Variants in RASA1 observed in about 807,000 individuals in gnomAD.
RASA1 encodes RAS p21 protein activator 1.
A neutral mutation model predicts 132.2 loss-of-function variants in RASA1; 25 were observed. That is an observed-to-expected ratio of 0.19 (90% CI 0.14 to 0.26). The LOEUF (loss-of-function observed/expected upper bound fraction) is 0.26, where lower values mean the gene tolerates loss of function less well. Among genes scored for constraint, RASA1 ranks in the 10% least tolerant of loss-of-function variants. The pLI is 1.00. For synonymous variants in RASA1, 477 were observed against 449.9 expected (o/e 1.06, Z -0.76); for missense variants, 964 against 1,299.2 (o/e 0.74, Z 3.97).
At chr5:87,371,736 A>C (rs561836335) in intron 12 of RASA1, among the ~76,000 whole-genome samples, 1 of 152,210 alleles carries the variant, frequency 6.6e-6, no homozygotes, top group South Asian at 2.1e-4. Context: ...TATCAAGTTA[A>C]ATTCCACCTA....
At chr5:87,350,567 G>T (rs7712333) in intron 8 of RASA1, among the ~76,000 whole-genome samples, 1,791 of 151,598 alleles carry the variant, frequency 0.012, 28 homozygotes, top group African/African-American at 0.041. Flanking sequence ...ACACAAAACT[G>T]GAAATTCTTC....
intron 6 of RASA1, among the ~76,000 whole-genome samples, chr5:87,343,721 A>G (rs1249875197): frequency 2.0e-5 from 3 of 152,208 alleles, no homozygotes; most frequent in South Asian, 2.1e-4. Context: ...ACTGCTGGGT[A>G]TATATCCAAA....
At chr5:87,320,994 G>T (rs544252064) in intron 1 of RASA1, among the ~76,000 whole-genome samples, 1 of 152,170 alleles carries the variant, frequency 6.6e-6, no homozygotes, top group Non-Finnish European at 1.5e-5. Context: ...ATAGCAATTT[G>T]TACACTTCTG....
At chr5:87,339,559 T>C (rs1758288542) in intron 5 of RASA1, among the ~76,000 whole-genome samples, 1 of 152,096 alleles carries the variant, frequency 6.6e-6, no homozygotes, top group Non-Finnish European at 1.5e-5. Context: ...TCTTGAGCTC[T>C]TGGAATTCTG....
intron 18 of RASA1, 98 bp downstream of exon 18, chr5:87,378,636 T>G (rs1237418329): frequency 1.5e-6 from 2 of 1,300,016 alleles, no homozygotes; most frequent in East Asian, 5.1e-5. Flanking sequence ...TATATTAAAT[T>G]TCTAAAATTA....
Position 87,378,475 on chromosome 5 carries a change from G to C in RASA1, c.2424G>C (p.Gln808His). ...AGTATATGAAAGCCACTGCTACACA[G>C]TTTGTTCATCATGCTTTGAAAGACT... ...MEQYMKATAT[Q>H]FVHHALKDSI... Residue 808 changes from glutamine (Q) to histidine (H), a missense_variant, in exon 18 of 25, where the codon CAG (glutamine) becomes CAC (histidine). Coordinates refer to ENST00000274376, the MANE Select transcript of RASA1 (RefSeq NM_002890.3). The C allele has an allele frequency of 6.2e-7, 1 of 1,612,510 alleles. No homozygotes were observed. The highest frequency in any genetic ancestry group is 8.5e-7 in the Non-Finnish European group (1 of 1,178,632).
intron 18 of RASA1, 96 bp from the exon 19 acceptor site, chr5:87,379,639 T>C (rs1032639555): frequency 3.3e-6 from 5 of 1,501,754 alleles, no homozygotes; most frequent in African/African-American, 1.4e-5. Flanking sequence ...TACCGAAAAA[T>C]AGACAACCTC....
At chr5:87,369,660 T>C (rs1464293582) in intron 11 of RASA1, among the ~76,000 whole-genome samples, 153 bp from the exon 12 acceptor site, 1 of 151,802 alleles carries the variant, frequency 6.6e-6, no homozygotes, top group Admixed American at 6.6e-5. Flanking sequence ...TATAGCTGAC[T>C]TTTTTTTAGT....
chr5:87,280,502 A>G (rs2112244266), intron 1 of RASA1, among the ~76,000 whole-genome samples: 1 of 149,984 alleles, frequency 6.7e-6, no homozygotes, highest in East Asian at 2.0e-4. Context: ...TAGTAGAGAC[A>G]GGGTTTCACC....
chr5:87,389,041 CATT>C (rs747692560), intron 23 of RASA1, among the ~76,000 whole-genome samples: 5 of 152,184 alleles, frequency 3.3e-5, no homozygotes, highest in Admixed American at 6.5e-5. Context: ...ATTTTACCAT[CATT>C]AATACTGAAT....
chr5:87,378,600 T>C, intron 18 of RASA1, 62 bp downstream of exon 18: 1 of 1,467,896 alleles, frequency 6.8e-7, no homozygotes, highest in Non-Finnish European at 9.4e-7. Flanking sequence ...GGTAATAATT[T>C]GTAGCCAATT....
intron 6 of RASA1, among the ~76,000 whole-genome samples, chr5:87,344,882 T>G (rs553096377): frequency 1.3e-5 from 2 of 152,198 alleles, no homozygotes; most frequent in East Asian, 3.9e-4. Context: ...CATACTTAGC[T>G]CATTCATCAC....
chr5:87,341,425 A>G (rs971534690), intron 6 of RASA1, 104 bp downstream of exon 6: 7 of 657,298 alleles, frequency 1.1e-5, no homozygotes, highest in African/African-American at 9.5e-5. Context: ...TTTTGGACTG[A>G]CTTAACTTTT....
chr5:87,371,147 T>G (rs897252732), intron 12 of RASA1, among the ~76,000 whole-genome samples: 4 of 152,144 alleles, frequency 2.6e-5, no homozygotes, highest in African/African-American at 9.7e-5. Context: ...ATAATGACAT[T>G]TCAGCATGTT....
chr5:87,322,351 C>G (rs1156274030), intron 1 of RASA1, among the ~76,000 whole-genome samples: 2 of 152,126 alleles, frequency 1.3e-5, no homozygotes, highest in African/African-American at 4.8e-5. Context: ...ATTGTGAACT[C>G]CTCACGTGAG....
At chr5:87,295,416 T>C (rs1755075433) in intron 1 of RASA1, among the ~76,000 whole-genome samples, 1 of 151,850 alleles carries the variant, frequency 6.6e-6, no homozygotes, top group Non-Finnish European at 1.5e-5. Flanking sequence ...CTTTTTGTTA[T>C]GCACTTTTTC....
intron 9 of RASA1, among the ~76,000 whole-genome samples, chr5:87,358,253 T>C (rs1362550308): frequency 6.6e-6 from 1 of 152,158 alleles, no homozygotes; most frequent in Non-Finnish European, 1.5e-5. Flanking sequence ...AAAAGGGTCC[T>C]TTTGAGACAA....
At chr5:87,381,432 AATAAT>A (rs1233742188) in intron 20 of RASA1, among the ~76,000 whole-genome samples, 7 of 152,210 alleles carry the variant, frequency 4.6e-5, no homozygotes, top group Non-Finnish European at 8.8e-5. Flanking sequence ...GCAGTTTTCT[AATAAT>A]ATAATTTGTT....
intron 1 of RASA1, among the ~76,000 whole-genome samples, chr5:87,275,917 C>A (rs1351781091): frequency 6.6e-6 from 1 of 152,140 alleles, no homozygotes; most frequent in African/African-American, 2.4e-5. Flanking sequence ...CGTGAAAGAC[C>A]TTTCCAAGCC....
Sources: allele counts gnomAD v4.1 joint callset (sites outside exome capture counted in the v4.1 genomes callset), GRCh38; gene constraint gnomAD v4.1.1; transcripts MANE v1.5; gene names NCBI Gene and HGNC (gene_info 2026-07-23, HGNC 2026-07-21).